The following SPATA31G1 variants were observed in gnomAD, a reference collection of about 807,000 sequenced individuals.
The protein encoded by SPATA31G1 is spermatogenesis-associated protein 31G1.
the SPATA31G1 span, chr9:35,044,662 A>G: frequency 6.2e-7 from 1 of 1,614,160 alleles, no homozygotes; most frequent in Admixed American, 1.7e-5. Context: ...GAGCAAAGAA[A>G]GAACCACTGG....
chr9:35,044,800 AT>A, the SPATA31G1 span: 15 of 1,614,166 alleles, frequency 9.3e-6, no homozygotes, highest in Non-Finnish European at 1.2e-5. Flanking sequence ...CTGGCAGTGG[AT>A]CCCCTACACC....
At chr9:35,045,069 A>C in the SPATA31G1 span, 1 of 1,614,118 alleles carries the variant, frequency 6.2e-7, no homozygotes, top group Admixed American at 1.7e-5. Flanking sequence ...CAGCTCCCCT[A>C]TTCTGAGCTC....
chr9:35,042,042 C>A, the SPATA31G1 span: 1 of 672,490 alleles, frequency 1.5e-6, no homozygotes, highest in Non-Finnish European at 2.4e-6. Context: ...TGTACTTAAC[C>A]ACAATGCCTG....
chr9:35,044,843 T>C, the SPATA31G1 span: 2 of 1,613,958 alleles, frequency 1.2e-6, no homozygotes, highest in South Asian at 2.2e-5. Context: ...TAGCTGAAGC[T>C]GTGAAGATTG....
chr9:35,042,579 A>C, the SPATA31G1 span: 1 of 1,577,292 alleles, frequency 6.3e-7, no homozygotes. Context: ...AGTGACTATA[A>C]GCCCTAGATG....
At chr9:35,042,249 A>C in the SPATA31G1 span, 3 of 1,613,596 alleles carry the variant, frequency 1.9e-6, no homozygotes, top group Middle Eastern at 3.3e-4. Context: ...CAGAAGGCTA[A>C]GGGAAATGGA....
the SPATA31G1 span, chr9:35,045,005 G>C: frequency 6.2e-7 from 1 of 1,614,212 alleles, no homozygotes. Flanking sequence ...TCAGGCTGAA[G>C]AAACTGCGGC....
At chr9:35,043,133 C>T in the SPATA31G1 span, 2 of 1,614,204 alleles carry the variant, frequency 1.2e-6, no homozygotes, top group Non-Finnish European at 1.7e-6. Context: ...GATCCTTCCC[C>T]ATCTTCCAGA....
the SPATA31G1 span, chr9:35,042,761 A>AC: frequency 6.8e-7 from 1 of 1,468,874 alleles, no homozygotes; most frequent in Non-Finnish European, 9.2e-7. Flanking sequence ...TTAGGTGAGT[A>AC]ACTGTCCACT....
chr9:35,044,513 G>A, the SPATA31G1 span: 1 of 1,614,030 alleles, frequency 6.2e-7, no homozygotes, highest in Non-Finnish European at 8.5e-7. Flanking sequence ...CTATTGTAGG[G>A]GAAATGGAGC....
At chr9:35,043,250 G>A in the SPATA31G1 span, 9 of 1,614,078 alleles carry the variant, frequency 5.6e-6, no homozygotes, top group African/African-American at 9.3e-5. Flanking sequence ...GCGAGTCCTT[G>A]GAGGCCATCT....
chr9:35,044,928 T>G, the SPATA31G1 span: 7 of 1,614,154 alleles, frequency 4.3e-6, no homozygotes, highest in Admixed American at 1.0e-4. Flanking sequence ...CTCCCAGAGA[T>G]GGACTGTCCC....
At chr9:35,044,077 T>C in the SPATA31G1 span, 4 of 1,613,966 alleles carry the variant, frequency 2.5e-6, no homozygotes, top group African/African-American at 5.3e-5. Context: ...CTGGAGTCTC[T>C]AGTAATGGGC....
At chr9:35,044,958 G>A in the SPATA31G1 span, 32 of 1,614,042 alleles carry the variant, frequency 2.0e-5, no homozygotes. Context: ...CACCCATCCT[G>A]GGATCCATGC....
chr9:35,043,178 A>G, the SPATA31G1 span: 1 of 1,614,222 alleles, frequency 6.2e-7, no homozygotes. Flanking sequence ...ACAAGATAGC[A>G]TCAGGGAACC....
At chr9:35,042,396 T>C in the SPATA31G1 span, 9 of 1,614,224 alleles carry the variant, frequency 5.6e-6, no homozygotes, top group Admixed American at 6.7e-5. Context: ...ACTATTCTTA[T>C]TCGTGGTTTG....
chr9:35,043,875 T>A, the SPATA31G1 span: 1 of 1,614,126 alleles, frequency 6.2e-7, no homozygotes, highest in Non-Finnish European at 8.5e-7. Flanking sequence ...CCAGTGGGAA[T>A]GCAGAGAAAA....
the SPATA31G1 span, chr9:35,042,774 G>A: frequency 9.9e-6 from 15 of 1,513,138 alleles, no homozygotes; most frequent in Non-Finnish European, 1.3e-5. Context: ...TGTCCACTCT[G>A]GATATGGAGC....
chr9:35,042,076 T>C, the SPATA31G1 span: 1 of 941,474 alleles, frequency 1.1e-6, no homozygotes, highest in African/African-American at 1.7e-5. Context: ...AACTGGGCAA[T>C]CAAAAGGGGA....
Sources: allele counts gnomAD v4.1 joint callset, GRCh38; gene constraint gnomAD v4.1.1; transcripts MANE v1.5; gene names NCBI Gene and HGNC (gene_info 2026-07-23, HGNC 2026-07-21).